EGF: variants seen among roughly 807,000 people sequenced by gnomAD.
EGF encodes pro-epidermal growth factor.
Under a neutral mutation model 143.8 loss-of-function variants are expected in EGF, and 95 were observed. The observed-to-expected ratio is 0.66, with a 90% CI of 0.56 to 0.78. The LOEUF is 0.78. EGF is among the 30% of genes least tolerant of loss of function. The probability of loss-of-function intolerance (pLI) is 0.00; values close to 1 mark genes in which losing one functional copy is unlikely to be tolerated. For missense variants in EGF, 1,320 were observed against 1,470.9 expected (o/e 0.90, Z 1.68); for synonymous variants, 510 against 510.5 (o/e 1.00, Z 0.01).
chr4:109,992,614 T>C (rs1029096773), intron 18 of EGF, among the ~76,000 whole-genome samples: 1 of 152,138 alleles, frequency 6.6e-6, no homozygotes, highest in African/African-American at 2.4e-5. Context: ...CCCAAAGGAA[T>C]ATAAATCATG....
intron 10 of EGF, 65 bp from the exon 11 acceptor site, chr4:109,968,906 C>A: frequency 1.2e-6 from 2 of 1,606,026 alleles, no homozygotes; most frequent in South Asian, 1.1e-5. Context: ...AAGACTAGTG[C>A]CATTTGTATA....
intron 3 of EGF, 59 bp from the exon 4 acceptor site, chr4:109,943,783 T>C (rs942069404): frequency 2.4e-5 from 34 of 1,413,382 alleles, no homozygotes; most frequent in Non-Finnish European, 3.3e-5. Flanking sequence ...ATTGAGAGAG[T>C]TGGCCATTTA....
At chr4:110,001,737 T>C in intron 21 of EGF, 1 of 985,424 alleles carries the variant, frequency 1.0e-6, no homozygotes, top group Non-Finnish European at 1.2e-6. Context: ...AGACTTTACA[T>C]ACATATAAGA....
chr4:109,989,182 C>G (rs1578357681), intron 18 of EGF, among the ~76,000 whole-genome samples: 1 of 152,104 alleles, frequency 6.6e-6, no homozygotes, highest in African/African-American at 2.4e-5. Context: ...TTGATAAGTT[C>G]AATAGGTGGG....
chr4:109,966,153 G>A (rs772214737), intron 10 of EGF, among the ~76,000 whole-genome samples: 1 of 151,866 alleles, frequency 6.6e-6, no homozygotes, highest in Non-Finnish European at 1.5e-5. Flanking sequence ...CCTATCACCT[G>A]AATAGTGAAC....
At chr4:109,938,318 T>C (rs1050927617) in intron 1 of EGF, among the ~76,000 whole-genome samples, 7 of 152,240 alleles carry the variant, frequency 4.6e-5, no homozygotes, top group African/African-American at 1.7e-4. Flanking sequence ...CTATTGAAGC[T>C]TGTGCATGTG....
In EGF at chr4:110,009,651, A is replaced by G. The variant is rs1484669688; in HGVS notation, c.3370+1421A>G. Among the ~76,000 whole-genome samples, 5 of 152,122 alleles carry G rather than the reference A, an allele frequency of 3.3e-5. 1 individual carries two copies. Among genetic ancestry groups the G allele is most frequent in the African/African-American group, 9.7e-5 (4 of 41,416 alleles). On this transcript the variant is annotated intron_variant, in intron 23 of 23. Coordinates refer to ENST00000265171, the MANE Select transcript of EGF (RefSeq NM_001963.6). ...ACTCATATAACTATCTCCCAGCATG[A>G]GTGATCACATCCCCAATCATGTCCA... is the stretch of plus-strand genomic sequence containing the variant.
At chr4:109,922,215 A>G (rs1466728811) in intron 1 of EGF, among the ~76,000 whole-genome samples, 2 of 151,690 alleles carry the variant, frequency 1.3e-5, no homozygotes, top group Admixed American at 6.6e-5. Flanking sequence ...AAGGCTTATT[A>G]TTTTTTGGAA....
chr4:110,011,455 A>C lies in EGF; in HGVS notation c.3624A>C (p.Ter1208CysextTer24). ...DPPHQMELTQ[*>C] ...CACACCAAATGGAGCTGACTCAGTGAAAACTGGAATTAAAAGGAAAGTCAA... is the reference window on the plus strand; with the variant it reads ...CACACCAAATGGAGCTGACTCAGTGCAAACTGGAATTAAAAGGAAAGTCAA... Residue 1208 changes from the stop codon to cysteine (C), a stop_lost, in exon 24 of 24, where the codon TGA (stop) becomes TGC (cysteine). Coordinates refer to ENST00000265171, the MANE Select transcript of EGF (RefSeq NM_001963.6). The C allele has an allele frequency of 6.2e-7, 1 of 1,614,226 alleles. No homozygotes were observed. Among genetic ancestry groups the C allele is most frequent in the South Asian group, 1.1e-5 (1 of 91,086 alleles).
At chr4:110,010,328 T>C (rs1394646429) in intron 23 of EGF, among the ~76,000 whole-genome samples, 1 of 152,164 alleles carries the variant, frequency 6.6e-6, no homozygotes, top group Non-Finnish European at 1.5e-5. Flanking sequence ...GTGGTCCAGA[T>C]GGGGAGACAG....
intron 1 of EGF, among the ~76,000 whole-genome samples, chr4:109,929,525 G>A (rs1739313439): frequency 6.6e-6 from 1 of 152,164 alleles, no homozygotes; most frequent in South Asian, 2.1e-4. Flanking sequence ...AACGAAACAA[G>A]TTTCATGTTG....
chr4:110,010,664 T>A (rs1286401657), intron 23 of EGF, among the ~76,000 whole-genome samples: 3 of 152,078 alleles, frequency 2.0e-5, no homozygotes, highest in Non-Finnish European at 4.4e-5. Context: ...TTACCCAGGC[T>A]GGTCTTGAAC....
At chr4:109,919,613 C>T (rs1263781377) in intron 1 of EGF, among the ~76,000 whole-genome samples, 1 of 151,812 alleles carries the variant, frequency 6.6e-6, no homozygotes, top group African/African-American at 2.4e-5. Flanking sequence ...AGACATTGAT[C>T]TCACTTGTGC....
intron 18 of EGF, among the ~76,000 whole-genome samples, chr4:109,991,129 C>A (rs1047952846): frequency 6.6e-6 from 1 of 152,128 alleles, no homozygotes; most frequent in Non-Finnish European, 1.5e-5. Context: ...TTTCTACTAA[C>A]CACATTACAA....
At chr4:109,992,492 T>C (rs985547228) in intron 18 of EGF, 3 of 152,190 alleles carry the variant, frequency 2.0e-5, no homozygotes, top group Admixed American at 2.0e-4. Flanking sequence ...TTTTACACTG[T>C]TGGTGGGACT....
At chr4:109,945,407 T>C in intron 5 of EGF, 132 bp downstream of exon 5, 1 of 765,854 alleles carries the variant, frequency 1.3e-6, no homozygotes, top group East Asian at 2.7e-5. Flanking sequence ...TTAGTCATAA[T>C]AGACCCCTGT....
intron 1 of EGF, among the ~76,000 whole-genome samples, chr4:109,927,806 CGTGTGTGTGTGTGTGTGTGT>C (rs57788647): frequency 1.6e-4 from 22 of 136,396 alleles, no homozygotes; most frequent in Non-Finnish European, 2.5e-4. Context: ...TGAATTTTGC[CGTGTGTGTGTGTGTGTGTGT>C]GTGTGTGTGT....
Position 110,013,303 on chromosome 4 carries a change from T to C in EGF, c.*1848T>C, listed in dbSNP as rs762876804. 2.0e-5 allele frequency among the ~76,000 whole-genome samples: 3 copies of C among 152,154 alleles called. No individual in the cohort carries two copies. The highest frequency in any genetic ancestry group is 4.4e-5 in the Non-Finnish European group (3 of 68,026). ...CCTTTTTCTTTTAGGGGTTCAATGA[T>C]GACAAAAGAAATGACATGAGAACAC... On this transcript the variant is annotated 3_prime_UTR_variant, in exon 24 of 24. Transcript: ENST00000265171.
chr4:109,960,338 A>G (rs2237045), intron 6 of EGF, among the ~76,000 whole-genome samples: 56,078 of 152,062 alleles, frequency 0.37, 10,645 homozygotes, highest in African/African-American at 0.45. Context: ...CTAATATGAA[A>G]ATCTGTATTT....
Sources: gnomAD v4.1 joint callset for allele counts (sites outside exome capture counted in the v4.1 genomes callset) on GRCh38, gnomAD v4.1.1 for gene constraint, MANE v1.5 for transcripts, NCBI Gene and HGNC (gene_info 2026-07-23, HGNC 2026-07-21) for gene names.